Variants in MBD5 observed in about 807,000 individuals in gnomAD.
MBD5 encodes methyl-CpG-binding domain protein 5.
MBD5 carries 13 observed loss-of-function variants against 117.3 expected under a neutral mutation model. The ratio of observed to expected loss-of-function variants is 0.11; its 90% CI spans 0.07 to 0.18. The LOEUF (loss-of-function observed/expected upper bound fraction) is 0.18, where lower values mean the gene tolerates loss of function less well. Among genes scored for constraint, MBD5 ranks in the 10% least tolerant of loss-of-function variants. The pLI, the probability that MBD5 is intolerant of heterozygous loss-of-function variation, is 1.00. For missense variants in MBD5, 1,879 were observed against 2,093.8 expected (o/e 0.90, Z 2.00); for synonymous variants, 727 against 766.4 (o/e 0.95, Z 0.85).
At chr2:148,135,028 T>C (rs567594835) in intron 1 of MBD5, among the ~76,000 whole-genome samples, 1 of 152,342 alleles carries the variant, frequency 6.6e-6, no homozygotes, top group Non-Finnish European at 1.5e-5. Context: ...GGGCATAGAA[T>C]GCTTTGCTGC....
At chr2:148,364,887 A>C (rs1703651388) in intron 4 of MBD5, among the ~76,000 whole-genome samples, 1 of 152,176 alleles carries the variant, frequency 6.6e-6, no homozygotes, top group South Asian at 2.1e-4. Context: ...CCACACAATA[A>C]TAGTGAGAGA....
At chr2:148,064,389 A>G (rs1401777482) in intron 1 of MBD5, among the ~76,000 whole-genome samples, 2 of 151,846 alleles carry the variant, frequency 1.3e-5, no homozygotes, top group Non-Finnish European at 2.9e-5. Flanking sequence ...TGCTGGGACC[A>G]CAGGCGTGAG....
chr2:148,485,945 T>A lies in MBD5; in HGVS notation c.3748T>A (p.Phe1250Ile). Residue 1250 changes from phenylalanine to isoleucine, a missense_variant, in exon 10 of 14, where the codon TTT becomes ATT. Phe to Ile is a conservative substitution (Grantham distance 21, BLOSUM62 0). Around this residue, in one of 4 missense-constraint regions of MBD5, gnomAD observed 1,666 missense variants for 1,792.2 expected, o/e 0.93. Coordinates refer to ENST00000642680, the MANE Select transcript of MBD5 (RefSeq NM_001378120.1). ...NNPMACLFQN[F>I]QVRMQEDAAL... is the part of the protein sequence containing the mutation. ...CCCCATGGCTTGTCTGTTTCAGAAC[T>A]TTCAGGTACTCTCCTCTGCTGTGTC... The A allele has an allele frequency of 6.2e-7, 1 of 1,613,598 alleles. No homozygotes were observed. Among genetic ancestry groups the A allele is most frequent in the Non-Finnish European group, 8.5e-7 (1 of 1,179,510 alleles).
chr2:148,354,089 C>CT (rs1217678880), intron 4 of MBD5, among the ~76,000 whole-genome samples: 5 of 152,010 alleles, frequency 3.3e-5, no homozygotes, highest in African/African-American at 1.2e-4. Flanking sequence ...CCAGTTACAT[C>CT]TTTTAAAAAA....
intron 1 of MBD5, among the ~76,000 whole-genome samples, chr2:148,109,092 A>G (rs1361846433): frequency 2.6e-5 from 4 of 152,158 alleles, no homozygotes; most frequent in East Asian, 1.9e-4. Context: ...CTCCTATGCA[A>G]AGCAGTTTGG....
chr2:148,334,769 G>C (rs960575123), intron 3 of MBD5, among the ~76,000 whole-genome samples: 1 of 152,064 alleles, frequency 6.6e-6, no homozygotes, highest in Non-Finnish European at 1.5e-5. Flanking sequence ...CTTATCTGTT[G>C]TGAAGTTTCT....
chr2:148,136,500 G>T (rs1287522544), intron 1 of MBD5, among the ~76,000 whole-genome samples: 1 of 152,162 alleles, frequency 6.6e-6, no homozygotes, highest in Non-Finnish European at 1.5e-5. Context: ...GGATACATTT[G>T]TTGTAGCCAT....
chr2:148,326,971 G>A (rs1165082692), intron 3 of MBD5, among the ~76,000 whole-genome samples: 1 of 151,508 alleles, frequency 6.6e-6, no homozygotes, highest in Admixed American at 6.6e-5. Flanking sequence ...GCAGCGGCTG[G>A]TACCGGTTGT....
chr2:148,444,487 A>T (rs1165622192), intron 4 of MBD5, among the ~76,000 whole-genome samples: 1 of 151,410 alleles, frequency 6.6e-6, no homozygotes, highest in Non-Finnish European at 1.5e-5. Flanking sequence ...AAGGTTAAAA[A>T]GTCTGACAAA....
rs117910987 is a variant in MBD5, at chr2:148,203,685, A to G, written c.-831+24892A>G. On this transcript the variant is annotated intron_variant, in intron 2 of 13. Coordinates refer to ENST00000642680, the MANE Select transcript of MBD5 (RefSeq NM_001378120.1). ...CAGAAACAAAATACTTCCTATGAGG[A>G]TGGCTTGTCTGTGGATCCTTTATGT... Among the ~76,000 whole-genome samples, 331 of 152,306 alleles carry G rather than the reference A, an allele frequency of 2.2e-3. 12 individuals carry two copies. In the East Asian group the frequency reaches 0.059, roughly 27 times the overall value.
At chr2:148,199,935 C>T (rs1699096094) in intron 2 of MBD5, among the ~76,000 whole-genome samples, 1 of 152,100 alleles carries the variant, frequency 6.6e-6, no homozygotes. Context: ...CTACATCATG[C>T]CATCCAAATG....
intron 1 of MBD5, among the ~76,000 whole-genome samples, chr2:148,108,140 G>T (rs1041073857): frequency 3.3e-5 from 5 of 151,990 alleles, no homozygotes; most frequent in African/African-American, 1.2e-4. Flanking sequence ...AAGGGTTGGG[G>T]GTGGGTGGGA....
chr2:148,030,849 CTAACAG>C (rs1694019642), intron 1 of MBD5, among the ~76,000 whole-genome samples: 1 of 152,098 alleles, frequency 6.6e-6, no homozygotes, highest in Non-Finnish European at 1.5e-5. Flanking sequence ...ATAGTATTGG[CTAACAG>C]TCATCATAGC....
rs540804551 is a variant in MBD5 at position 148,428,918 on chromosome 2, T to C, written c.-556-29285T>C. 2.6e-5 allele frequency among the ~76,000 whole-genome samples: 4 copies of C among 152,284 alleles called. No homozygotes were observed. The South Asian group carries it at 8.3e-4, about 32-fold the overall frequency. On this transcript the variant is annotated intron_variant, in intron 4 of 13. Coordinates refer to ENST00000642680, the MANE Select transcript of MBD5 (RefSeq NM_001378120.1). ...TAGAAGAAAACCTGGGCACTACCAT[T>C]CAAGACATAGGCATGGGCAAAGCCT...
chr2:148,426,788 A>G (rs549660155), intron 4 of MBD5, among the ~76,000 whole-genome samples: 1 of 152,362 alleles, frequency 6.6e-6, no homozygotes, highest in Admixed American at 6.5e-5. Context: ...AACAAAAGCC[A>G]GAATTGACAA....
intron 11 of MBD5, among the ~76,000 whole-genome samples, chr2:148,499,578 A>G (rs181807604): frequency 2.0e-5 from 3 of 152,344 alleles, no homozygotes; most frequent in African/African-American, 7.2e-5. Flanking sequence ...ATACAAGATT[A>G]TAATTATAGA....
chr2:148,327,061 G>C (rs928166116), intron 3 of MBD5, among the ~76,000 whole-genome samples: 1 of 151,914 alleles, frequency 6.6e-6, no homozygotes, highest in African/African-American at 2.4e-5. Context: ...GCATTTGCTT[G>C]TCTGTAAAGT....
chr2:148,344,010 T>G (rs1703018609), intron 4 of MBD5, among the ~76,000 whole-genome samples: 1 of 152,086 alleles, frequency 6.6e-6, no homozygotes, highest in African/African-American at 2.4e-5. Flanking sequence ...GTGGTCCAAT[T>G]TCATTCTTCT....
intron 4 of MBD5, among the ~76,000 whole-genome samples, chr2:148,375,418 A>G (rs1391823004): frequency 6.6e-6 from 1 of 152,196 alleles, no homozygotes; most frequent in Non-Finnish European, 1.5e-5. Context: ...GATCCACTGC[A>G]TGCAGCACTT....
Sources: gnomAD v4.1 joint callset for allele counts (sites outside exome capture counted in the v4.1 genomes callset) on GRCh38, gnomAD v4.1.1 for gene constraint, gnomAD v4.1.1 regional missense constraint, MANE v1.5 for transcripts, NCBI Gene and HGNC (gene_info 2026-07-23, HGNC 2026-07-21) for gene names.